The following AGBL1 variants were observed in gnomAD, a reference collection of about 807,000 sequenced individuals.
The protein encoded by AGBL1 is AGBL carboxypeptidase 1, also known as cytosolic carboxypeptidase 4.
In AGBL1, 130 loss-of-function variants were observed where a neutral mutation model predicts 118.9. The ratio of observed to expected loss-of-function variants is 1.09; its 90% confidence interval spans 0.95 to 1.26. AGBL1 has a LOEUF of 1.26. Among genes scored for constraint, AGBL1 ranks in the 50% most tolerant of loss-of-function variants. The pLI, the probability that AGBL1 is intolerant of heterozygous loss-of-function variation, is 0.00. For missense variants in AGBL1, 1,584 were observed against 1,298.1 expected, an observed-to-expected ratio of 1.22 and a Z score of -3.38; for synonymous variants, 555 against 478.9, an observed-to-expected ratio of 1.16 and a Z score of -2.08.
intron 23 of AGBL1, among the ~76,000 whole-genome samples, chr15:86,973,937 CAT>C (rs2081138083): frequency 7.2e-6 from 1 of 139,686 alleles, no homozygotes; most frequent in African/African-American, 2.6e-5. Context: ...TAAATATAAA[CAT>C]ATTTAATATA....
intron 18 of AGBL1, among the ~76,000 whole-genome samples, chr15:86,414,796 G>C (rs1382139672): frequency 6.6e-6 from 1 of 152,156 alleles, no homozygotes; most frequent in African/African-American, 2.4e-5. Flanking sequence ...TAACTGAGAT[G>C]CAGACATAAA....
At chr15:86,205,211 C>A (rs758267165) in intron 5 of AGBL1, among the ~76,000 whole-genome samples, 8 of 152,128 alleles carry the variant, frequency 5.3e-5, no homozygotes, top group African/African-American at 1.7e-4. Flanking sequence ...ACATACGTAG[C>A]TTTTTCAGAT....
At chr15:86,939,473 C>T (rs2080719477) in intron 23 of AGBL1, among the ~76,000 whole-genome samples, 1 of 152,200 alleles carries the variant, frequency 6.6e-6, no homozygotes, top group Admixed American at 6.5e-5. Flanking sequence ...GGCTTCCCTA[C>T]TCTTGAGATT....
At chr15:86,477,047 C>A (rs1312109118) in intron 18 of AGBL1, among the ~76,000 whole-genome samples, 1 of 152,084 alleles carries the variant, frequency 6.6e-6, no homozygotes, top group African/African-American at 2.4e-5. Context: ...AACAAACACA[C>A]AACATACCAG....
At chr15:86,257,441 A>G (rs2078914335) in intron 8 of AGBL1, among the ~76,000 whole-genome samples, 1 of 152,236 alleles carries the variant, frequency 6.6e-6, no homozygotes, top group African/African-American at 2.4e-5. Context: ...TGAAAGTATT[A>G]TTATTTAATC....
intron 6 of AGBL1, among the ~76,000 whole-genome samples, chr15:86,234,893 T>A (rs1434450729): frequency 6.6e-6 from 1 of 152,228 alleles, no homozygotes; most frequent in Non-Finnish European, 1.5e-5. Flanking sequence ...TAAAGCCTGA[T>A]GAAATGTAAA....
chr15:86,451,888 C>T (rs2082197861), intron 18 of AGBL1, among the ~76,000 whole-genome samples: 1 of 152,098 alleles, frequency 6.6e-6, no homozygotes, highest in Non-Finnish European at 1.5e-5. Flanking sequence ...CATTTCTAAT[C>T]CTCACTGGAT....
At chr15:86,660,630 T>C (rs748695323) in intron 21 of AGBL1, among the ~76,000 whole-genome samples, 3 of 152,162 alleles carry the variant, frequency 2.0e-5, no homozygotes, top group African/African-American at 4.8e-5. Context: ...AATTTACTTA[T>C]AGACTCAGTA....
chr15:86,746,544 C>T (rs567522841), intron 22 of AGBL1, among the ~76,000 whole-genome samples: 5 of 152,150 alleles, frequency 3.3e-5, no homozygotes, highest in South Asian at 4.2e-4. Context: ...CAGCCTCCAC[C>T]GATAGACTGT....
rs141984932 is a variant in AGBL1 at position 86,256,883 on chromosome 15, G to A, written c.766G>A (p.Val256Ile). Residue 256 changes from valine to isoleucine, a missense_variant, in exon 8 of 23, where the codon GTC (valine) becomes ATC (isoleucine). Transcript: ENST00000614907. Reference protein sequence around the residue: ...NCLDDKSMEPVISVVLQILRQ... With the variant: ...NCLDDKSMEPIISVVLQILRQ... ...CCTGGATGACAAGAGCATGGAGCCCGTCATCTCTGTGGTGCTTCAGATCCT... is the reference window on the plus strand; with the variant it reads ...CCTGGATGACAAGAGCATGGAGCCCATCATCTCTGTGGTGCTTCAGATCCT... The A allele has an allele frequency of 1.8e-5, 29 of 1,613,850 alleles. No homozygotes were observed. Among genetic ancestry groups the A allele is most frequent in the Middle Eastern group, 1.7e-4 (1 of 6,058 alleles).
At chr15:86,556,802 C>G (rs2083740959) in intron 21 of AGBL1, among the ~76,000 whole-genome samples, 3 of 152,130 alleles carry the variant, frequency 2.0e-5, no homozygotes, top group Admixed American at 2.0e-4. Flanking sequence ...ATGGAGGATA[C>G]TTAAATACAC....
At chr15:86,798,987 A>G (rs1468109169) in intron 22 of AGBL1, among the ~76,000 whole-genome samples, 5 of 151,800 alleles carry the variant, frequency 3.3e-5, no homozygotes, top group Non-Finnish European at 7.4e-5. Flanking sequence ...TAATAAATGT[A>G]TTTGCCTGAG....
chr15:86,283,520 G>T lies in AGBL1; in HGVS notation c.2220+3737G>T, dbSNP rs528262387. On this transcript the variant is annotated intron_variant, in intron 16 of 22. Transcript: ENST00000614907. ...AGGTGGAAGAAAGAGAGGGAAGAAA[G>T]AAGAAGAAAGAAAGAAAGAAAAGAA... Among the ~76,000 whole-genome samples, 3 of 151,956 alleles carry T rather than the reference G, an allele frequency of 2.0e-5. No individual in the cohort carries two copies. In the East Asian group the frequency reaches 5.8e-4, roughly 29 times the overall value.
chr15:86,386,994 A>G (rs1044412612), intron 17 of AGBL1, among the ~76,000 whole-genome samples: 1 of 152,238 alleles, frequency 6.6e-6, no homozygotes, highest in Non-Finnish European at 1.5e-5. Flanking sequence ...AATTGCACCT[A>G]TCTACTCAGC....
intron 22 of AGBL1, among the ~76,000 whole-genome samples, chr15:86,779,920 AACACACACACAC>A (rs201278408): frequency 3.7e-5 from 4 of 106,890 alleles, no homozygotes; most frequent in Admixed American, 3.7e-4. Context: ...ACACCCCCCC[AACACACACACAC>A]ACACACACAC....
At chr15:86,134,665 G>C (rs961072769) in intron 1 of AGBL1, among the ~76,000 whole-genome samples, 24 of 143,088 alleles carry the variant, frequency 1.7e-4, no homozygotes, top group African/African-American at 6.0e-4. Flanking sequence ...CCAGGCTGGA[G>C]TGCAGTGGCA....
At chr15:86,740,427 C>T (rs1320530994) in intron 22 of AGBL1, among the ~76,000 whole-genome samples, 2 of 152,134 alleles carry the variant, frequency 1.3e-5, no homozygotes, top group Non-Finnish European at 2.9e-5. Flanking sequence ...ATGCCCCACA[C>T]TCTTGTGTTC....
chr15:86,488,099 G>C (rs1349035396), intron 18 of AGBL1, among the ~76,000 whole-genome samples: 2 of 151,968 alleles, frequency 1.3e-5, no homozygotes, highest in Non-Finnish European at 2.9e-5. Context: ...TTTTAGTCAT[G>C]GTGTTTCAGC....
At chr15:86,383,814 C>G (rs1489792399) in intron 17 of AGBL1, among the ~76,000 whole-genome samples, 1 of 152,140 alleles carries the variant, frequency 6.6e-6, no homozygotes, top group South Asian at 2.1e-4. Flanking sequence ...GGATCTTTCT[C>G]CTGTTCTAAT....
Sources: gnomAD v4.1 joint callset for allele counts (sites outside exome capture counted in the v4.1 genomes callset) on GRCh38, gnomAD v4.1.1 for gene constraint, MANE v1.5 for transcripts, NCBI Gene and HGNC (gene_info 2026-07-23, HGNC 2026-07-21) for gene names.